DCLK1: variants seen among roughly 807,000 people sequenced by gnomAD.
The protein encoded by DCLK1 is doublecortin like kinase 1.
In DCLK1, 16 loss-of-function variants were observed where a neutral mutation model predicts 86.2. The observed-to-expected ratio is 0.19, with a 90% confidence interval of 0.13 to 0.28. The LOEUF (loss-of-function observed/expected upper bound fraction) is 0.28, where lower values mean the gene tolerates loss of function less well. Ranked by LOEUF, DCLK1 falls within the 10% of genes least tolerant of loss-of-function variation. The pLI is 1.00. For missense variants in DCLK1, 590 were observed against 940.2 expected (o/e 0.63, Z 4.87); for synonymous variants, 369 against 370.5 (o/e 1.00, Z 0.05).
intron 6 of DCLK1, chr13:35,848,937 A>C (rs1184983393): frequency 5.1e-6 from 5 of 985,314 alleles, no homozygotes; most frequent in Non-Finnish European, 6.0e-6. Flanking sequence ...TTTTGATCTC[A>C]GCAGGAGTCT....
intron 3 of DCLK1, among the ~76,000 whole-genome samples, chr13:36,077,819 T>C (rs1884264312): frequency 6.6e-6 from 1 of 152,196 alleles, no homozygotes; most frequent in Non-Finnish European, 1.5e-5. Context: ...GAATTCAGAA[T>C]ATAAACTATT....
chr13:36,045,951 T>C (rs1486630960), intron 3 of DCLK1, among the ~76,000 whole-genome samples: 1 of 152,146 alleles, frequency 6.6e-6, no homozygotes, highest in Non-Finnish European at 1.5e-5. Context: ...ACTTTCTTAG[T>C]ACAGTTTAGG....
chr13:35,851,786 T>C (rs1249920963), intron 6 of DCLK1, among the ~76,000 whole-genome samples: 4 of 152,162 alleles, frequency 2.6e-5, no homozygotes, highest in Non-Finnish European at 4.4e-5. Context: ...TGTATAAGAG[T>C]ATTCCAAAAT....
chr13:35,986,708 C>CA (rs1432305073), intron 3 of DCLK1, among the ~76,000 whole-genome samples: 2 of 152,110 alleles, frequency 1.3e-5, no homozygotes, highest in Non-Finnish European at 2.9e-5. Context: ...GGAGGTAGGG[C>CA]AGGGGAGGGG....
At chr13:35,783,437 T>C (rs532552796) in intron 16 of DCLK1, among the ~76,000 whole-genome samples, 3 of 152,192 alleles carry the variant, frequency 2.0e-5, no homozygotes, top group African/African-American at 7.2e-5. Context: ...TTCGTAGGTG[T>C]GGAAAATCAG....
intron 4 of DCLK1, among the ~76,000 whole-genome samples, chr13:35,938,256 A>G (rs1427185850): frequency 6.6e-6 from 1 of 152,074 alleles, no homozygotes; most frequent in Non-Finnish European, 1.5e-5. Context: ...AGTGGGTGGT[A>G]TTTGTTACTC....
chr13:36,047,269 T>C (rs930358683), intron 3 of DCLK1, among the ~76,000 whole-genome samples: 5 of 152,152 alleles, frequency 3.3e-5, no homozygotes, highest in Non-Finnish European at 5.9e-5. Flanking sequence ...GAAAACAGTA[T>C]GGAGGTTCCT....
rs568646634 is a variant in DCLK1, at chr13:35,827,370, A to G, written c.1407+265T>C. 2.0e-4 allele frequency among the ~76,000 whole-genome samples: 31 copies of G among 152,286 alleles called. No homozygotes were observed. The South Asian group carries it at 6.2e-3, about 31-fold the overall frequency. On this transcript the variant is annotated intron_variant, in intron 10 of 16. Transcript: ENST00000360631. ...ATCTCTTCATCCCCACAATAACACC[A>G]TTAAGCAGATATTATTAATATTCTC... is the stretch of plus-strand genomic sequence containing the variant.
chr13:35,990,075 G>A (rs1022816741), intron 3 of DCLK1, among the ~76,000 whole-genome samples: 6 of 152,056 alleles, frequency 3.9e-5, no homozygotes, highest in Admixed American at 2.0e-4. Context: ...TGGCACACTC[G>A]TGATGAGAAT....
At chr13:36,079,529 G>T (rs1884339843) in intron 3 of DCLK1, among the ~76,000 whole-genome samples, 1 of 152,108 alleles carries the variant, frequency 6.6e-6, no homozygotes, top group African/African-American at 2.4e-5. Flanking sequence ...CTACTTGGGA[G>T]GCTGAGGCAG....
chr13:35,863,289 A>G (rs1871532907), intron 5 of DCLK1, among the ~76,000 whole-genome samples: 1 of 152,232 alleles, frequency 6.6e-6, no homozygotes, highest in South Asian at 2.1e-4. Flanking sequence ...AGCAACTTGA[A>G]GGCAAGGACT....
At chr13:36,034,556 C>T (rs1217778392) in intron 3 of DCLK1, among the ~76,000 whole-genome samples, 2 of 152,146 alleles carry the variant, frequency 1.3e-5, no homozygotes, top group Admixed American at 6.5e-5. Flanking sequence ...GCCCAACAGT[C>T]AATTCTATTC....
At chr13:35,976,692 G>A (rs1266118540) in intron 3 of DCLK1, among the ~76,000 whole-genome samples, 1 of 151,424 alleles carries the variant, frequency 6.6e-6, no homozygotes, top group South Asian at 2.1e-4. Context: ...CACTGCGCCC[G>A]GCTAATTTTT....
At position 35,871,334 on chromosome 13, in the gene DCLK1, C is replaced by T. The variant is rs1323559124; in HGVS notation, c.830G>A (p.Arg277Gln). The change falls in exon 5 of 17, where the codon CGA becomes CAA. Residue 277 changes from arginine (R) to glutamine (Q), a missense_variant. Transcript: ENST00000360631. ...DDFLLDESEC[R>Q]VVKSTSYTKI... is the part of the protein sequence containing the mutation. ...GGTGTAAGAAGTGGACTTTACCACT[C>T]GACATTCTGGGGAAAGAACAAAAAC... The T allele has an allele frequency of 3.7e-6, 6 of 1,613,510 alleles. No individual in the cohort carries two copies. The highest frequency in any genetic ancestry group is 4.2e-6 in the Non-Finnish European group (5 of 1,179,698).
intron 3 of DCLK1, among the ~76,000 whole-genome samples, chr13:36,069,042 T>C (rs1593861866): frequency 1.3e-5 from 2 of 152,372 alleles, no homozygotes; most frequent in African/African-American, 4.8e-5. Flanking sequence ...GAATACAGTT[T>C]TCACATCACA....
intron 3 of DCLK1, among the ~76,000 whole-genome samples, chr13:36,014,643 C>T (rs1816481169): frequency 6.6e-6 from 1 of 152,108 alleles, no homozygotes; most frequent in South Asian, 2.1e-4. Flanking sequence ...ACAACAGCAA[C>T]AGGTAAGTCA....
chr13:35,839,145 A>G lies in DCLK1; in HGVS notation c.1067T>C (p.Leu356Pro). The change falls in exon 7 of 17, where the codon CTT becomes CCT. Residue 356 changes from leucine to proline, a missense_variant. Coordinates refer to ENST00000360631, the MANE Select transcript of DCLK1 (RefSeq NM_001330071.2). The stretch of plus-strand genomic sequence containing the variant: ...CGAGCTGCAGACTTTGGTGGACGCA[A>G]GTGACGTAGAGGAGCCGCCATGCTG... ...SSQHGGSSTS[L>P]ASTKVCSSMD... 1.3e-6 allele frequency: 2 copies of G among 1,592,040 alleles called. No homozygotes were observed. Among genetic ancestry groups the G allele is most frequent in the Non-Finnish European group, 1.7e-6 (2 of 1,169,406 alleles).
intron 5 of DCLK1, among the ~76,000 whole-genome samples, chr13:35,867,791 T>C (rs1278427922): frequency 6.6e-6 from 1 of 150,944 alleles, no homozygotes; most frequent in Non-Finnish European, 1.5e-5. Flanking sequence ...ATCAGTCCAT[T>C]CTTTAACATG....
chr13:36,074,468 CAAAAAAAAAA>C (rs768865436), intron 3 of DCLK1, among the ~76,000 whole-genome samples: 10 of 79,340 alleles, frequency 1.3e-4, no homozygotes, highest in Admixed American at 2.9e-4. Flanking sequence ...GACTCCGTCT[CAAAAAAAAAA>C]AAAAAAAAAA....
Sources: allele counts gnomAD v4.1 joint callset (sites outside exome capture counted in the v4.1 genomes callset), GRCh38; gene constraint gnomAD v4.1.1; transcripts MANE v1.5; gene names NCBI Gene and HGNC (gene_info 2026-07-23, HGNC 2026-07-21).